PAPPA: variants seen among roughly 807,000 people sequenced by gnomAD.
The protein encoded by PAPPA is pappalysin-1.
PAPPA carries 60 observed loss-of-function variants against 164.0 expected under a neutral mutation model. The observed-to-expected ratio is 0.37, with a 90% CI of 0.30 to 0.45. The LOEUF is 0.45. Ranked by LOEUF, PAPPA falls within the 20% of genes least tolerant of loss-of-function variation. The pLI, the probability that PAPPA is intolerant of heterozygous loss-of-function variation, is 1.00. For missense variants in PAPPA, 1,782 were observed against 2,087.3 expected (o/e 0.85, Z 2.85); for synonymous variants, 875 against 814.1 (o/e 1.07, Z -1.27).
chr9:116,289,358 G>C (rs146023024), intron 9 of PAPPA, among the ~76,000 whole-genome samples: 6,063 of 53,798 alleles, frequency 0.11, 317 homozygotes, highest in Middle Eastern at 0.19. Context: ...CATATATATG[G>C]CATATATATG....
intron 10 of PAPPA, among the ~76,000 whole-genome samples, chr9:116,311,811 T>C (rs1278212733): frequency 6.6e-6 from 1 of 152,180 alleles, no homozygotes; most frequent in Non-Finnish European, 1.5e-5. Flanking sequence ...ACATTATCCC[T>C]GAGCAAATTG....
chr9:116,244,818 C>G (rs1844777451), intron 7 of PAPPA, among the ~76,000 whole-genome samples: 1 of 152,086 alleles, frequency 6.6e-6, no homozygotes, highest in South Asian at 2.1e-4. Flanking sequence ...TCCTGGGTAT[C>G]TACCCAAAAG....
chr9:116,375,541 G>A (rs1846638178), intron 19 of PAPPA, among the ~76,000 whole-genome samples: 1 of 152,176 alleles, frequency 6.6e-6, no homozygotes, highest in Non-Finnish European at 1.5e-5. Context: ...TCTCTATTTT[G>A]AGAAGAATCT....
chr9:116,255,392 A>T lies in PAPPA; in HGVS notation c.2733-10465A>T, dbSNP rs568253762. The stretch of plus-strand genomic sequence containing the variant: ...GTTTATATTAGAAATAGTATGGAAA[A>T]TTTGGTAAAGTAACTAAACTAAAAA... On this transcript the variant is annotated intron_variant, in intron 7 of 21. Transcript: ENST00000328252. Among the ~76,000 whole-genome samples, 24 of 152,198 alleles carry T rather than the reference A, an allele frequency of 1.6e-4. No individual in the cohort carries two copies. The South Asian group carries it at 4.8e-3, about 30-fold the overall frequency.
intron 9 of PAPPA, among the ~76,000 whole-genome samples, chr9:116,278,577 C>A (rs1224999517): frequency 2.0e-5 from 3 of 152,138 alleles, no homozygotes; most frequent in Non-Finnish European, 4.4e-5. Flanking sequence ...GCTCATACCC[C>A]CAATGGAGGG....
At chr9:116,297,347 T>C (rs560777259) in intron 9 of PAPPA, among the ~76,000 whole-genome samples, 3 of 152,242 alleles carry the variant, frequency 2.0e-5, no homozygotes, top group Non-Finnish European at 1.5e-5. Context: ...AACTTATGAC[T>C]ATCTGTTCAA....
intron 15 of PAPPA, among the ~76,000 whole-genome samples, chr9:116,352,325 A>C (rs777335599): frequency 1.4e-4 from 22 of 152,218 alleles, no homozygotes; most frequent in Middle Eastern, 3.4e-3. Context: ...TTCTGGTGGG[A>C]GTTTTTGCTG....
At chr9:116,166,405 C>G (rs753220250) in intron 1 of PAPPA, among the ~76,000 whole-genome samples, 8 of 152,198 alleles carry the variant, frequency 5.3e-5, no homozygotes, top group Non-Finnish European at 1.2e-4. Flanking sequence ...ATTTCCCTCT[C>G]TCCCCCTTAT....
chr9:116,367,398 T>C (rs1243705237), intron 18 of PAPPA, among the ~76,000 whole-genome samples: 1 of 152,142 alleles, frequency 6.6e-6, no homozygotes, highest in Non-Finnish European at 1.5e-5. Context: ...GAGGAGGAGC[T>C]TGATCAAACT....
chr9:116,384,288 A>ATAATAATAATAATAAT (rs1846774665), intron 21 of PAPPA, among the ~76,000 whole-genome samples: 1 of 148,294 alleles, frequency 6.7e-6, no homozygotes, highest in Non-Finnish European at 1.5e-5. Context: ...AATAATAATA[A>ATAATAATAATAATAAT]TAATAATAAT....
At chr9:116,313,764 G>A (rs77473453) in intron 10 of PAPPA, among the ~76,000 whole-genome samples, 3 of 152,104 alleles carry the variant, frequency 2.0e-5, no homozygotes, top group Non-Finnish European at 2.9e-5. Context: ...TGAAACTGAG[G>A]AACTAATTGG....
chr9:116,262,974 T>A (rs1845020290), intron 7 of PAPPA, among the ~76,000 whole-genome samples: 1 of 152,212 alleles, frequency 6.6e-6, no homozygotes, highest in Admixed American at 6.5e-5. Context: ...TATAGTTTTA[T>A]CATAGGAATT....
At chr9:116,227,024 A>G (rs1315419347) in intron 5 of PAPPA, among the ~76,000 whole-genome samples, 1 of 152,208 alleles carries the variant, frequency 6.6e-6, no homozygotes, top group African/African-American at 2.4e-5. Context: ...GGCACATAGT[A>G]GGTACCTGAT....
At chr9:116,269,442 T>C (rs913888122) in intron 8 of PAPPA, among the ~76,000 whole-genome samples, 2 of 152,186 alleles carry the variant, frequency 1.3e-5, no homozygotes, top group African/African-American at 4.8e-5. Context: ...GCTAGGATGA[T>C]GAAGACTCTG....
In PAPPA at chr9:116,347,677, C is replaced by A. The variant is rs946504258; in HGVS notation, c.3964+468C>A. ...AGGCTGCACCATCAGTGGTGGGGACCATATTGAAACCCAGGTCTGTTGTTC... is the reference window on the plus strand; with the variant it reads ...AGGCTGCACCATCAGTGGTGGGGACAATATTGAAACCCAGGTCTGTTGTTC... On this transcript the variant is annotated intron_variant, in intron 15 of 21. Transcript: ENST00000328252. This position sits in a 1 kb window ranked among gnomAD's most constrained non-coding sequence, Gnocchi z 4.5. Among the ~76,000 whole-genome samples, 11 of 152,088 alleles carry A rather than the reference C, an allele frequency of 7.2e-5. No homozygotes were observed. The highest frequency in any genetic ancestry group is 2.4e-4 in the African/African-American group (10 of 41,400).
intron 7 of PAPPA, among the ~76,000 whole-genome samples, chr9:116,249,736 AGT>A (rs1173419572): frequency 2.6e-5 from 4 of 152,198 alleles, no homozygotes; most frequent in Admixed American, 2.0e-4. Context: ...GAGGCAGGTG[AGT>A]GTGTTATGAA....
chr9:116,166,983 A>T (rs1437642924), intron 1 of PAPPA, among the ~76,000 whole-genome samples: 1 of 152,240 alleles, frequency 6.6e-6, no homozygotes, highest in Non-Finnish European at 1.5e-5. Flanking sequence ...GGATAGAGGA[A>T]GAAATAGAGG....
At chr9:116,379,362 C>G (rs1417780641) in intron 20 of PAPPA, among the ~76,000 whole-genome samples, 1 of 152,174 alleles carries the variant, frequency 6.6e-6, no homozygotes, top group East Asian at 1.9e-4. Flanking sequence ...CCCCTGAGCC[C>G]CTGTTTTCTG....
At chr9:116,349,128 C>T (rs1351235998) in intron 15 of PAPPA, among the ~76,000 whole-genome samples, 1 of 150,106 alleles carries the variant, frequency 6.7e-6, no homozygotes, top group East Asian at 2.0e-4. Flanking sequence ...CAAGTCTACC[C>T]CCCTGCTCCT....
Sources: allele counts gnomAD v4.1 joint callset (sites outside exome capture counted in the v4.1 genomes callset), GRCh38; gene constraint gnomAD v4.1.1; non-coding constraint Gnocchi (gnomAD v3.1); transcripts MANE v1.5; gene names NCBI Gene and HGNC (gene_info 2026-07-23, HGNC 2026-07-21).